Variants in SLC17A4 observed in about 807,000 individuals in gnomAD.
The protein encoded by SLC17A4 is probable small intestine urate exporter.
In SLC17A4, 33 loss-of-function variants were observed where a neutral mutation model predicts 52.5. The ratio of observed to expected loss-of-function variants is 0.63; its 90% CI spans 0.48 to 0.84. The LOEUF (loss-of-function observed/expected upper bound fraction) is 0.84, where lower values mean the gene tolerates loss of function less well. Among genes scored for constraint, SLC17A4 ranks in the 40% least tolerant of loss-of-function variants. The pLI, the probability that SLC17A4 is intolerant of heterozygous loss-of-function variation, is 0.00. For missense variants in SLC17A4, 585 were observed against 597.1 expected (o/e 0.98, Z 0.21); for synonymous variants, 225 against 216.2 (o/e 1.04, Z -0.36).
At chr6:25,761,887 G>T in intron 1 of SLC17A4, 40 bp from the exon 2 acceptor site, 1 of 1,223,762 alleles carries the variant, frequency 8.2e-7, no homozygotes, top group Non-Finnish European at 1.2e-6. Flanking sequence ...TATCATATAA[G>T]ATTCTCCCTG....
At chr6:25,758,774 GT>G (rs1761253361) in intron 1 of SLC17A4, among the ~76,000 whole-genome samples, 1 of 145,532 alleles carries the variant, frequency 6.9e-6, no homozygotes, top group African/African-American at 2.7e-5. Flanking sequence ...TGTATTTTTT[GT>G]TTGTTTGTTT....
At position 25,761,859 on chromosome 6, in the gene SLC17A4, T is replaced by C. The variant is rs188022734; in HGVS notation, c.-36-68T>C. 22 of 887,774 alleles carry C rather than the reference T, an allele frequency of 2.5e-5. No individual in the cohort carries two copies. In the African/African-American group the frequency reaches 3.8e-4, roughly 15 times the overall value. 55.0% of individuals were successfully genotyped at this position (887,774 alleles called of 1,614,324 possible). The stretch of plus-strand genomic sequence containing the variant: ...TACAGCAACATTTGCTCCTAGTTCT[T>C]AGAAAGAATTGGGGTAATATCATAT... On this transcript the variant is annotated intron_variant, in intron 1 of 11. Transcript: ENST00000377905.
At chr6:25,760,291 T>G (rs1761426078) in intron 1 of SLC17A4, among the ~76,000 whole-genome samples, 2 of 152,330 alleles carry the variant, frequency 1.3e-5, no homozygotes, top group Middle Eastern at 6.8e-3. Context: ...TTTATTTTTT[T>G]ATTAGCTTGA....
At chr6:25,769,773 C>T (rs1288806517) in intron 3 of SLC17A4, among the ~76,000 whole-genome samples, 1 of 151,816 alleles carries the variant, frequency 6.6e-6, no homozygotes, top group East Asian at 1.9e-4. Flanking sequence ...CTTTTTCTTC[C>T]TTCCACGTAT....
intron 1 of SLC17A4, 151 bp from the exon 2 acceptor site, chr6:25,761,776 G>C: frequency 1.9e-6 from 1 of 538,578 alleles, no homozygotes; most frequent in Non-Finnish European, 3.3e-6. Flanking sequence ...CAATTGGTTA[G>C]TGATAGAGCC....
intron 8 of SLC17A4, among the ~76,000 whole-genome samples, chr6:25,775,490 C>T (rs1435207089): frequency 6.6e-6 from 1 of 152,030 alleles, no homozygotes; most frequent in Non-Finnish European, 1.5e-5. Flanking sequence ...GGCTGGAGTG[C>T]AGTGTTTCAC....
chr6:25,773,625 C>G lies in SLC17A4; in HGVS notation c.938C>G (p.Ala313Gly), dbSNP rs374082636. Residue 313 changes from alanine to glycine, a missense_variant, in exon 8 of 12, where the codon GCG (alanine) becomes GGG (glycine). Transcript: ENST00000377905. ...TACTGGCTTTTTTATACCATTATGG[C>G]GTACACACCAACGTACATCAGCTCG... ...CEYWLFYTIM[A>G]YTPTYISSVL... The G allele has an allele frequency of 6.2e-7, 1 of 1,613,860 alleles. No homozygotes were observed. Among genetic ancestry groups the G allele is most frequent in the Admixed American group, 1.7e-5 (1 of 59,970 alleles).
intron 5 of SLC17A4, among the ~76,000 whole-genome samples, 153 bp downstream of exon 5, chr6:25,770,624 T>C (rs1353591750): frequency 6.6e-6 from 1 of 152,238 alleles, no homozygotes; most frequent in Non-Finnish European, 1.5e-5. Flanking sequence ...TGATTGTAAC[T>C]GAATAAACTG....
In SLC17A4 at chr6:25,770,836, T is replaced by G. The variant is rs1338376274; in HGVS notation, c.620-90T>G. ...ATAGTTTGGCTTGAAACTCATACCT[T>G]CACTCACTGTGCAACTCAGCATTGT... On this transcript the variant is annotated intron_variant, in intron 5 of 11. Transcript: ENST00000377905. 3 of 993,070 alleles carry G rather than the reference T, an allele frequency of 3.0e-6. No homozygotes were observed. The African/African-American group carries it at 4.8e-5, about 16-fold the overall frequency. 61.5% of individuals were successfully genotyped at this position (993,070 alleles called of 1,614,324 possible).
At chr6:25,762,786 A>G (rs1022554572) in intron 2 of SLC17A4, among the ~76,000 whole-genome samples, 5 of 152,184 alleles carry the variant, frequency 3.3e-5, no homozygotes, top group East Asian at 1.9e-4. Flanking sequence ...TACTCAACCT[A>G]CAACTAGTCA....
chr6:25,766,934 T>C (rs1042198279), intron 2 of SLC17A4, among the ~76,000 whole-genome samples: 1 of 152,270 alleles, frequency 6.6e-6, no homozygotes, highest in African/African-American at 2.4e-5. Flanking sequence ...AGGACATTAG[T>C]TAAAAACTAA....
intron 2 of SLC17A4, among the ~76,000 whole-genome samples, chr6:25,764,147 G>C (rs1339256763): frequency 6.6e-6 from 1 of 152,162 alleles, no homozygotes. Context: ...ACCTGCAGCT[G>C]CCTCCAGAGC....
At position 25,770,197 on chromosome 6, in the gene SLC17A4, C is replaced by G. The variant is rs1186361962; in HGVS notation, c.428C>G (p.Ala143Gly). ...GIFGAKYVVG[A>G]GLFISSFLTL... is the part of the protein sequence containing the mutation. ...TTTGGAGCCAAGTATGTGGTTGGTG[C>G]TGGCTTGTTTATTTCCTCATTCCTG... Residue 143 changes from alanine (A) to glycine (G), a missense_variant, in exon 4 of 12, where the codon GCT becomes GGT. Coordinates refer to ENST00000377905, the MANE Select transcript of SLC17A4 (RefSeq NM_005495.3). 25 of 1,614,124 alleles carry G rather than the reference C, an allele frequency of 1.5e-5. No homozygotes were observed. The highest frequency in any genetic ancestry group is 2.1e-5 in the Non-Finnish European group (25 of 1,179,996).
chr6:25,761,124 T>C (rs1761495661), intron 1 of SLC17A4, among the ~76,000 whole-genome samples: 1 of 152,206 alleles, frequency 6.6e-6, no homozygotes, highest in African/African-American at 2.4e-5. Flanking sequence ...TCTCAGACAA[T>C]GAAGACAGTA....
chr6:25,765,146 T>C (rs534934030), intron 2 of SLC17A4, among the ~76,000 whole-genome samples: 1 of 152,302 alleles, frequency 6.6e-6, no homozygotes, highest in East Asian at 1.9e-4. Flanking sequence ...ACAAGGAACC[T>C]ACGTAAATAT....
At chr6:25,765,517 T>C (rs1315426355) in intron 2 of SLC17A4, among the ~76,000 whole-genome samples, 1 of 152,194 alleles carries the variant, frequency 6.6e-6, no homozygotes, top group Non-Finnish European at 1.5e-5. Flanking sequence ...TTGAGGAATA[T>C]TTTCATCTTC....
intron 8 of SLC17A4, among the ~76,000 whole-genome samples, chr6:25,774,984 T>C (rs902784507): frequency 5.3e-5 from 8 of 152,196 alleles, no homozygotes; most frequent in African/African-American, 1.7e-4. Context: ...AGAATTTTAG[T>C]TTAGAAGTTT....
chr6:25,771,957 A>T (rs1312570179), intron 6 of SLC17A4, among the ~76,000 whole-genome samples: 1 of 152,172 alleles, frequency 6.6e-6, no homozygotes, highest in Non-Finnish European at 1.5e-5. Context: ...TGTTACCTTT[A>T]GTTTGTTTAA....
At chr6:25,761,804 T>TTCA in intron 1 of SLC17A4, 123 bp from the exon 2 acceptor site, 1 of 586,184 alleles carries the variant, frequency 1.7e-6, no homozygotes, top group Non-Finnish European at 2.9e-6. Context: ...CAAGTTAGTT[T>TTCA]TCATAAACCC....
Sources: allele counts gnomAD v4.1 joint callset (sites outside exome capture counted in the v4.1 genomes callset), GRCh38; gene constraint gnomAD v4.1.1; transcripts MANE v1.5; gene names NCBI Gene and HGNC (gene_info 2026-07-23, HGNC 2026-07-21).